The following VPS53 variants were observed in gnomAD, a reference collection of about 807,000 sequenced individuals.
The protein encoded by VPS53 is VPS53 subunit of GARP complex.
In VPS53, 70 loss-of-function variants were observed where a neutral mutation model predicts 107.0. The observed-to-expected ratio is 0.65, with a 90% CI of 0.54 to 0.80. VPS53 has a LOEUF of 0.80. Ranked by LOEUF, VPS53 falls within the 30% of genes least tolerant of loss-of-function variation. VPS53 has a pLI of 0.00. For missense variants in VPS53, 917 were observed against 1,049.4 expected, an observed-to-expected ratio of 0.87 and a Z score of 1.74; for synonymous variants, 409 against 393.3, an observed-to-expected ratio of 1.04 and a Z score of -0.47.
intron 13 of VPS53, among the ~76,000 whole-genome samples, chr17:579,297 T>C (rs1051402694): frequency 6.1e-5 from 9 of 146,586 alleles, no homozygotes; most frequent in African/African-American, 2.3e-4. Context: ...CAGAACCTAA[T>C]GCGTTCCCAG....
At chr17:633,514 G>T (rs1970049185) in intron 7 of VPS53, among the ~76,000 whole-genome samples, 1 of 152,140 alleles carries the variant, frequency 6.6e-6, no homozygotes, top group Non-Finnish European at 1.5e-5. Flanking sequence ...AACCTGCTGA[G>T]ATTTTTTTTC....
chr17:627,454 C>T (rs1192457787), intron 9 of VPS53, 138 bp from the exon 10 acceptor site: 2 of 1,174,412 alleles, frequency 1.7e-6, no homozygotes, highest in Non-Finnish European at 2.3e-6. Context: ...ATCTAGGCTA[C>T]CTTTTTAACT....
intron 12 of VPS53, among the ~76,000 whole-genome samples, chr17:587,944 A>G (rs1476048731): frequency 6.6e-6 from 1 of 152,180 alleles, no homozygotes; most frequent in African/African-American, 2.4e-5. Context: ...CAAAGCCCTC[A>G]CCACCATCAA....
intron 17 of VPS53, chr17:538,713 A>C (rs533868415): frequency 6.6e-6 from 1 of 152,254 alleles, no homozygotes; most frequent in Non-Finnish European, 1.5e-5. Context: ...CAAGGCCCAG[A>C]AACATGAAGA....
At chr17:529,974 T>A (rs1193178304) in intron 19 of VPS53, among the ~76,000 whole-genome samples, 1 of 151,546 alleles carries the variant, frequency 6.6e-6, no homozygotes, top group Non-Finnish European at 1.5e-5. Flanking sequence ...GAATTGAGAC[T>A]GCAGTGAGCT....
At chr17:548,931 TC>T (rs925992162) in intron 17 of VPS53, among the ~76,000 whole-genome samples, 2 of 152,210 alleles carry the variant, frequency 1.3e-5, no homozygotes, top group African/African-American at 2.4e-5. Context: ...CTTCTTTGCC[TC>T]CCCACCTGGA....
intron 11 of VPS53, among the ~76,000 whole-genome samples, chr17:606,048 G>A (rs892509356): frequency 2.6e-5 from 4 of 152,054 alleles, no homozygotes; most frequent in African/African-American, 9.7e-5. Flanking sequence ...GATGGGAACC[G>A]GACTAAGCCA....
At chr17:655,199 T>C (rs144128174) in intron 6 of VPS53, among the ~76,000 whole-genome samples, 5 of 152,304 alleles carry the variant, frequency 3.3e-5, no homozygotes, top group Admixed American at 3.3e-4. Context: ...GTCAGAATCT[T>C]GCTAGTAAAG....
At chr17:634,630 G>A (rs1970113682) in intron 7 of VPS53, among the ~76,000 whole-genome samples, 1 of 146,550 alleles carries the variant, frequency 6.8e-6, no homozygotes, top group Non-Finnish European at 1.5e-5. Context: ...CCACCTATGA[G>A]TGAGAACATG....
intron 4 of VPS53, among the ~76,000 whole-genome samples, chr17:671,607 C>G (rs1398743270): frequency 6.6e-6 from 1 of 152,116 alleles, no homozygotes; most frequent in African/African-American, 2.4e-5. Flanking sequence ...TTACCCAACA[C>G]TCTTCCCCTC....
At chr17:575,225 T>C (rs1020956243) in intron 13 of VPS53, among the ~76,000 whole-genome samples, 7 of 152,254 alleles carry the variant, frequency 4.6e-5, no homozygotes, top group African/African-American at 1.2e-4. Context: ...ATGAAAAGCA[T>C]AGAAGCAGTC....
intron 7 of VPS53, among the ~76,000 whole-genome samples, chr17:648,428 G>A (rs1022585769): frequency 6.6e-6 from 1 of 152,124 alleles, no homozygotes; most frequent in South Asian, 2.1e-4. Context: ...GTGGGCGCCT[G>A]TAGTCCCAGC....
chr17:639,982 T>C (rs898238476), intron 7 of VPS53, among the ~76,000 whole-genome samples: 4 of 152,248 alleles, frequency 2.6e-5, no homozygotes, highest in African/African-American at 4.8e-5. Context: ...TGTTTGGCTA[T>C]GCCCTGCCCC....
At chr17:674,376 G>C (rs866372397) in intron 4 of VPS53, 3 of 152,030 alleles carry the variant, frequency 2.0e-5, no homozygotes, top group Non-Finnish European at 4.4e-5. Context: ...CATCTATATC[G>C]TAAGTCTTCA....
Position 598,014 on chromosome 17 carries a change from C to G in VPS53, c.1218+3781G>C, listed in dbSNP as rs1364093564. Among the ~76,000 whole-genome samples the G allele has an allele frequency of 4.7e-5, 7 of 148,088 alleles. No homozygotes were observed. The South Asian group carries it at 8.7e-4, about 18-fold the overall frequency. On this transcript the variant is annotated intron_variant, in intron 12 of 21. Coordinates refer to ENST00000437048, the MANE Select transcript of VPS53 (RefSeq NM_001128159.3). The stretch of plus-strand genomic sequence containing the variant: ...CCCTCTCTTTCCACGGTCTCCCTCT[C>G]ATGCTGAGCCGAAGCTGGACTGTAC...
intron 15 of VPS53, among the ~76,000 whole-genome samples, chr17:554,310 C>T (rs1024605383): frequency 3.9e-5 from 6 of 152,184 alleles, no homozygotes; most frequent in East Asian, 3.8e-4. Context: ...AGAAAAATAA[C>T]GGGACCAAGA....
At chr17:653,473 G>A in intron 6 of VPS53, 63 bp from the exon 7 acceptor site, 2 of 1,608,900 alleles carry the variant, frequency 1.2e-6, no homozygotes, top group Non-Finnish European at 1.7e-6. Flanking sequence ...TACAGACACA[G>A]AACAACCCAC....
chr17:689,202 G>A (rs1290616786), intron 4 of VPS53, among the ~76,000 whole-genome samples: 1 of 152,128 alleles, frequency 6.6e-6, no homozygotes. Flanking sequence ...AAGTGAGGGA[G>A]GATAAGAATA....
intron 17 of VPS53, among the ~76,000 whole-genome samples, chr17:547,599 A>G (rs1400188683): frequency 6.6e-6 from 1 of 152,160 alleles, no homozygotes; most frequent in Non-Finnish European, 1.5e-5. Context: ...TGGTGGTTTC[A>G]TGACATTGTG....
Sources: allele counts gnomAD v4.1 joint callset (sites outside exome capture counted in the v4.1 genomes callset), GRCh38; gene constraint gnomAD v4.1.1; transcripts MANE v1.5; gene names NCBI Gene and HGNC (gene_info 2026-07-23, HGNC 2026-07-21).